The following KCNMA1 variants were observed in gnomAD, a reference collection of about 807,000 sequenced individuals.
The protein encoded by KCNMA1 is potassium calcium-activated channel subfamily M alpha 1.
Under a neutral mutation model 140.0 loss-of-function variants are expected in KCNMA1, and 29 were observed. The ratio of observed to expected loss-of-function variants is 0.21; its 90% CI spans 0.15 to 0.28. KCNMA1 has a LOEUF of 0.28. KCNMA1 is among the 10% of genes least tolerant of loss of function. The pLI, the probability that KCNMA1 is intolerant of heterozygous loss-of-function variation, is 1.00. For missense variants in KCNMA1, 880 were observed against 1,602.2 expected, an observed-to-expected ratio of 0.55 and a Z score of 7.70; for synonymous variants, 612 against 611.9, an observed-to-expected ratio of 1.00 and a Z score of 0.00.
Position 76,885,008 on chromosome 10 carries a change from C to A in KCNMA1, c.*2258G>T. The A allele has an allele frequency of 6.5e-7, 1 of 1,548,124 alleles. No homozygotes were observed. Among genetic ancestry groups the A allele is most frequent in the Non-Finnish European group, 8.7e-7 (1 of 1,145,804 alleles). On this transcript the variant is annotated 3_prime_UTR_variant, in exon 28 of 28. Coordinates refer to ENST00000286628, the MANE Select transcript of KCNMA1 (RefSeq NM_001161352.2). ...TCATACCTTGGCCCATTCTATTCAT[C>A]CTTGTTGCACTTTAGAGAGAGAAGT...
downstream of KCNMA1, chr10:76,873,645 C>T (rs2031804940): frequency 6.6e-6 from 1 of 152,142 alleles, no homozygotes. Flanking sequence ...TGCCCTGGAA[C>T]TCAGTGTTCA....
chr10:77,614,529 C>T (rs1055951365), intron 1 of KCNMA1, among the ~76,000 whole-genome samples: 1 of 152,180 alleles, frequency 6.6e-6, no homozygotes, highest in African/African-American at 2.4e-5. Flanking sequence ...AATAAACTGA[C>T]TTCTGCTAAA....
chr10:77,357,758 T>A lies in KCNMA1; in HGVS notation c.540+46104A>T, dbSNP rs551206170. Reference sequence around the variant, plus strand: ...CCAGAAACTTTCACTGTTATGAAGATGGCTCTCAGTTTTCCTGCTGGATTC... The same window carrying A: ...CCAGAAACTTTCACTGTTATGAAGAAGGCTCTCAGTTTTCCTGCTGGATTC... On this transcript the variant is annotated intron_variant, in intron 2 of 27. Coordinates refer to ENST00000286628, the MANE Select transcript of KCNMA1 (RefSeq NM_001161352.2). Among the ~76,000 whole-genome samples, 339 of 152,348 alleles carry A rather than the reference T, an allele frequency of 2.2e-3. 1 individual carries two copies. The highest frequency in any genetic ancestry group is 3.5e-3 in the Non-Finnish European group (236 of 68,030).
chr10:76,988,552 A>C (rs1565390145), intron 19 of KCNMA1, among the ~76,000 whole-genome samples: 1 of 152,110 alleles, frequency 6.6e-6, no homozygotes, highest in Non-Finnish European at 1.5e-5. Flanking sequence ...ACAACAGAAA[A>C]AGATGAGTTG....
At chr10:77,105,776 G>A (rs984656465) in intron 9 of KCNMA1, among the ~76,000 whole-genome samples, 8 of 152,102 alleles carry the variant, frequency 5.3e-5, no homozygotes, top group South Asian at 2.1e-4. Context: ...ACTTTTTGAC[G>A]TTAGAAATAG....
At chr10:77,025,354 T>C (rs2093352194) in intron 16 of KCNMA1, 1 of 962,588 alleles carries the variant, frequency 1.0e-6, no homozygotes, top group Non-Finnish European at 1.6e-6. Context: ...ATAATCTCTC[T>C]CTTCTTGAAT....
intron 2 of KCNMA1, among the ~76,000 whole-genome samples, chr10:77,321,820 T>C (rs916504628): frequency 6.6e-6 from 1 of 152,182 alleles, no homozygotes; most frequent in Non-Finnish European, 1.5e-5. Context: ...AAAGGGTTCC[T>C]AGAAAGTTCT....
chr10:77,316,507 C>G (rs1385355494), intron 2 of KCNMA1, among the ~76,000 whole-genome samples: 3 of 152,300 alleles, frequency 2.0e-5, no homozygotes, highest in Admixed American at 2.0e-4. Context: ...ATTGTTCAAG[C>G]ACAGAGGGTT....
rs78984449 is a variant in KCNMA1, at chr10:77,269,875, C to T, written c.541-18619G>A. Among the ~76,000 whole-genome samples, 807 of 152,228 alleles carry T rather than the reference C, an allele frequency of 5.3e-3. 3 individuals are homozygous for T. Among genetic ancestry groups the T allele is most frequent in the African/African-American group, 0.018 (768 of 41,538 alleles). ...ACAAACCCACACCTCTCCTTGAAAC[C>T]ACGGTGATAGGGAGGCTGCCCCAAG... On this transcript the variant is annotated intron_variant, in intron 2 of 27. Coordinates refer to ENST00000286628, the MANE Select transcript of KCNMA1 (RefSeq NM_001161352.2).
At chr10:77,470,816 AG>A (rs927346309) in intron 1 of KCNMA1, among the ~76,000 whole-genome samples, 17 of 152,154 alleles carry the variant, frequency 1.1e-4, no homozygotes, top group African/African-American at 4.1e-4. Context: ...CACAATTTCT[AG>A]GCATTTGTTT....
intron 1 of KCNMA1, among the ~76,000 whole-genome samples, chr10:77,599,863 G>A (rs967589157): frequency 6.6e-6 from 1 of 152,086 alleles, no homozygotes; most frequent in Admixed American, 6.6e-5. Context: ...GCCCCTGATG[G>A]TCCGTCCTCC....
chr10:77,000,391 AG>A (rs1298729815), intron 19 of KCNMA1, among the ~76,000 whole-genome samples: 3 of 152,200 alleles, frequency 2.0e-5, no homozygotes, highest in Non-Finnish European at 4.4e-5. Flanking sequence ...TGGAGCTTTC[AG>A]GAACTTCACT....
At chr10:77,394,075 T>C (rs534626735) in intron 2 of KCNMA1, among the ~76,000 whole-genome samples, 22 of 152,124 alleles carry the variant, frequency 1.4e-4, no homozygotes, top group African/African-American at 4.8e-4. Flanking sequence ...GACAATGGGA[T>C]GGAAGGCCAA....
downstream of KCNMA1, chr10:76,875,903 A>G (rs1238344789): frequency 6.6e-6 from 1 of 152,664 alleles, no homozygotes. Context: ...CTAGTGATTA[A>G]TTATAAGTAG....
At chr10:76,900,620 T>C (rs934069713) in intron 25 of KCNMA1, among the ~76,000 whole-genome samples, 2 of 152,156 alleles carry the variant, frequency 1.3e-5, no homozygotes, top group Admixed American at 6.5e-5. Flanking sequence ...AATCTCAAGA[T>C]GCTTGATAGT....
chr10:76,987,285 G>A (rs574845861), intron 19 of KCNMA1, among the ~76,000 whole-genome samples: 2 of 152,080 alleles, frequency 1.3e-5, no homozygotes, highest in Non-Finnish European at 2.9e-5. Context: ...CTGTCTAATG[G>A]GGTTTACATG....
chr10:77,429,820 GA>G (rs1021813772), intron 1 of KCNMA1, among the ~76,000 whole-genome samples: 33 of 152,054 alleles, frequency 2.2e-4, no homozygotes, highest in African/African-American at 7.5e-4. Flanking sequence ...GTATATATAT[GA>G]TATATCAGGC....
intron 1 of KCNMA1, among the ~76,000 whole-genome samples, chr10:77,502,965 C>G (rs900370899): frequency 6.6e-6 from 1 of 152,134 alleles, no homozygotes; most frequent in Non-Finnish European, 1.5e-5. Context: ...CAAGACCGCT[C>G]GGTGAGCTGA....
intron 1 of KCNMA1, among the ~76,000 whole-genome samples, chr10:77,437,954 C>T (rs375330512): frequency 6.6e-6 from 1 of 152,164 alleles, no homozygotes; most frequent in East Asian, 1.9e-4. Flanking sequence ...ATCACACACC[C>T]GGAGGCCAAG....
Sources: allele counts gnomAD v4.1 joint callset (sites outside exome capture counted in the v4.1 genomes callset), GRCh38; gene constraint gnomAD v4.1.1; transcripts MANE v1.5; gene names NCBI Gene and HGNC (gene_info 2026-07-23, HGNC 2026-07-21).